CFTR: variants seen among roughly 807,000 people sequenced by gnomAD.
The protein encoded by CFTR is CF transmembrane conductance regulator.
CFTR carries 181 observed loss-of-function variants against 171.6 expected under a neutral mutation model. The ratio of observed to expected loss-of-function variants is 1.05; its 90% CI spans 0.93 to 1.19. CFTR has a LOEUF of 1.19. CFTR is among the 50% of genes most tolerant of loss of function. The pLI is 0.00. For synonymous variants in CFTR, 583 were observed against 608.0 expected (o/e 0.96, Z 0.60); for missense variants, 1,968 against 1,734.7 (o/e 1.13, Z -2.39).
At chr7:117,491,717 G>T (rs1324851548) in intron 1 of CFTR, among the ~76,000 whole-genome samples, 2 of 152,006 alleles carry the variant, frequency 1.3e-5, no homozygotes, top group African/African-American at 2.4e-5. Context: ...TATTGGATTA[G>T]GGTCTACTTT....
At chr7:117,615,864 A>G (rs1483600178) in intron 21 of CFTR, among the ~76,000 whole-genome samples, 1 of 152,048 alleles carries the variant, frequency 6.6e-6, no homozygotes, top group Admixed American at 6.6e-5. Context: ...TTTTTGTACT[A>G]CTGTATTTAA....
intron 18 of CFTR, among the ~76,000 whole-genome samples, chr7:117,609,020 A>G (rs1161220217): frequency 6.6e-6 from 1 of 152,094 alleles, no homozygotes; most frequent in East Asian, 1.9e-4. Flanking sequence ...TCTGGAACTT[A>G]TTCATTTTGC....
intron 1 of CFTR, among the ~76,000 whole-genome samples, chr7:117,495,661 A>G (rs548882363): frequency 7.2e-4 from 109 of 152,274 alleles, no homozygotes; most frequent in Non-Finnish European, 1.3e-3. Context: ...CAGTCCTTAG[A>G]TCTCATGAAA....
At chr7:117,581,590 T>G (rs1026037927) in intron 11 of CFTR, among the ~76,000 whole-genome samples, 6 of 152,178 alleles carry the variant, frequency 3.9e-5, no homozygotes, top group Non-Finnish European at 1.5e-5. Flanking sequence ...TAAAGGAAGA[T>G]ATTATTATAC....
rs117629380 is a variant in CFTR at position 117,495,965 on chromosome 7, C to T, written c.54-8288C>T. ...TTCAAAGAGTTGCCTATCACCATAA[C>T]CAATTTTAGAACACTTTCATCACTG... On this transcript the variant is annotated intron_variant, in intron 1 of 26. Transcript: ENST00000003084. Among the ~76,000 whole-genome samples the T allele has an allele frequency of 5.8e-3, 876 of 152,240 alleles. 8 individuals carry two copies. The highest frequency in any genetic ancestry group is 9.0e-3 in the Non-Finnish European group (611 of 68,014).
At chr7:117,660,666 A>ATGTGTG (rs57950576) in intron 24 of CFTR, among the ~76,000 whole-genome samples, 7 of 149,224 alleles carry the variant, frequency 4.7e-5, no homozygotes, top group South Asian at 2.1e-4. Context: ...GGGGATATAT[A>ATGTGTG]TGTGTGTGTG....
intron 22 of CFTR, among the ~76,000 whole-genome samples, chr7:117,636,572 T>C (rs1297115654): frequency 6.6e-6 from 1 of 152,026 alleles, no homozygotes; most frequent in Non-Finnish European, 1.5e-5. Flanking sequence ...GGATATTCTG[T>C]TTTTTTCAGT....
At chr7:117,535,525 ATTTTTTTTT>A in intron 6 of CFTR, 114 bp downstream of exon 6, 1 of 499,760 alleles carries the variant, frequency 2.0e-6, no homozygotes, top group Non-Finnish European at 3.4e-6. Flanking sequence ...GTGTCATTAA[ATTTTTTTTT>A]TTTTTTTTTT....
rs397508491 is a variant in CFTR, at chr7:117,610,591, C to T, written c.3061C>T (p.Pro1021Ser). 1 of 1,613,256 alleles carries T rather than the reference C, an allele frequency of 6.2e-7. No individual in the cohort carries two copies. Among genetic ancestry groups the T allele is most frequent in the Non-Finnish European group, 8.5e-7 (1 of 1,179,440 alleles). Reference protein sequence around the residue: ...LQPYIFVATVPVIVAFIMLRA... With the variant: ...LQPYIFVATVSVIVAFIMLRA... Reference sequence around the variant, plus strand: ...ACCCTACATCTTTGTTGCAACAGTGCCAGTGATAGTGGCTTTTATTATGTT... The same window carrying T: ...ACCCTACATCTTTGTTGCAACAGTGTCAGTGATAGTGGCTTTTATTATGTT... The change falls in exon 19 of 27, where the codon CCA (proline) becomes TCA (serine). Residue 1021 changes from proline to serine, a missense_variant. Pro to Ser is a moderately conservative substitution (Grantham distance 74). Transcript: ENST00000003084.
chr7:117,634,834 T>G (rs1320415996), intron 22 of CFTR, among the ~76,000 whole-genome samples: 2 of 152,144 alleles, frequency 1.3e-5, no homozygotes, highest in Non-Finnish European at 2.9e-5. Context: ...ATTTTAATTT[T>G]TATAAAATTT....
chr7:117,532,164 TAA>T (rs1469302774), intron 4 of CFTR, among the ~76,000 whole-genome samples: 1 of 152,070 alleles, frequency 6.6e-6, no homozygotes, highest in Non-Finnish European at 1.5e-5. Context: ...AAACATGTGA[TAA>T]GTCAACAAAT....
chr7:117,548,731 T>G lies in CFTR; in HGVS notation c.1300T>G (p.Ser434Ala). 2 of 1,613,308 alleles carry G rather than the reference T, an allele frequency of 1.2e-6. No homozygotes were observed. The highest frequency in any genetic ancestry group is 1.1e-5 in the South Asian group (1 of 91,028). ...GDDSLFFSNF[S>A]LLGTPVLKDI... ...TGACAGCCTCTTCTTCAGTAATTTC[T>G]CACTTCTTGGTACTCCTGTCCTGAA... Residue 434 changes from serine to alanine, a missense_variant, in exon 10 of 27, where the codon TCA (serine) becomes GCA (alanine). Coordinates refer to ENST00000003084, the MANE Select transcript of CFTR (RefSeq NM_000492.4).
chr7:117,566,769 T>C (rs1188750633), intron 11 of CFTR, among the ~76,000 whole-genome samples: 2 of 152,226 alleles, frequency 1.3e-5, no homozygotes, highest in Non-Finnish European at 2.9e-5. Context: ...TTTCATGAAC[T>C]GGTCATTAAA....
At chr7:117,497,536 C>T (rs560654703) in intron 1 of CFTR, among the ~76,000 whole-genome samples, 5 of 152,220 alleles carry the variant, frequency 3.3e-5, no homozygotes, top group Admixed American at 1.3e-4. Context: ...TTTTCCAAGG[C>T]GATATCACTG....
chr7:117,570,659 C>T (rs944106999), intron 11 of CFTR, among the ~76,000 whole-genome samples: 1 of 152,098 alleles, frequency 6.6e-6, no homozygotes, highest in African/African-American at 2.4e-5. Flanking sequence ...TTTTGCTATG[C>T]CCTATTAGTG....
chr7:117,618,229 C>G (rs1316269135), intron 21 of CFTR, among the ~76,000 whole-genome samples: 1 of 152,094 alleles, frequency 6.6e-6, no homozygotes, highest in Non-Finnish European at 1.5e-5. Context: ...TTTCAGAAAC[C>G]ATATCTTGAT....
At chr7:117,499,642 T>C (rs1414141601) in intron 1 of CFTR, among the ~76,000 whole-genome samples, 1 of 151,388 alleles carries the variant, frequency 6.6e-6, no homozygotes, top group Admixed American at 6.6e-5. Context: ...GAATGATTAA[T>C]TAGTTTCTGT....
At position 117,540,106 on chromosome 7, in the gene CFTR, A is replaced by G. The variant is rs2116683514; in HGVS notation, c.876A>G (p.Glu292=). The G allele has an allele frequency of 1.9e-6, 3 of 1,612,542 alleles. No homozygotes were observed. Among genetic ancestry groups the G allele is most frequent in the African/African-American group, 1.3e-5 (1 of 75,016 alleles). Residue 292 remains glutamate (E), a synonymous_variant, in exon 8 of 27, where the codon GAA becomes GAG. Transcript: ENST00000003084. ...EKMIENLRQT[E]LKLTRKAAYV... The stretch of plus-strand genomic sequence containing the variant: ...TTGTTATTGTTTTTTATAGAACAGA[A>G]CTGAAACTGACTCGGAAGGCAGCCT...
At chr7:117,630,759 C>A (rs995453172) in intron 22 of CFTR, among the ~76,000 whole-genome samples, 6 of 152,214 alleles carry the variant, frequency 3.9e-5, no homozygotes, top group Non-Finnish European at 7.4e-5. Flanking sequence ...TGTGCAAAAG[C>A]ATCTGATGTA....
Sources: gnomAD v4.1 joint callset for allele counts (sites outside exome capture counted in the v4.1 genomes callset) on GRCh38, gnomAD v4.1.1 for gene constraint, MANE v1.5 for transcripts, NCBI Gene and HGNC (gene_info 2026-07-23, HGNC 2026-07-21) for gene names.